FNDC3B: variants seen among roughly 807,000 people sequenced by gnomAD.
FNDC3B encodes fibronectin type III domain containing 3B, also known as fibronectin type III domain-containing protein 3B.
A neutral mutation model predicts 151.5 loss-of-function variants in FNDC3B; 12 were observed. The ratio of observed to expected loss-of-function variants is 0.08; its 90% confidence interval spans 0.05 to 0.13. FNDC3B has a LOEUF of 0.13. FNDC3B is among the 10% of genes least tolerant of loss of function. FNDC3B has a pLI of 1.00. For missense variants in FNDC3B, 1,214 were observed against 1,505.3 expected (o/e 0.81, Z 3.20); for synonymous variants, 528 against 549.0 (o/e 0.96, Z 0.54).
chr3:172,060,451 C>G (rs2108470728), intron 1 of FNDC3B, among the ~76,000 whole-genome samples: 1 of 152,156 alleles, frequency 6.6e-6, no homozygotes, highest in East Asian at 1.9e-4. Context: ...TGAGAGAAAA[C>G]CCTAAAGGCC....
intron 7 of FNDC3B, among the ~76,000 whole-genome samples, chr3:172,286,292 A>G (rs1236969742): frequency 7.7e-6 from 1 of 130,594 alleles, no homozygotes; most frequent in South Asian, 2.6e-4. Flanking sequence ...TTCTTTTGGT[A>G]GTTTTTTTTT....
chr3:172,199,689 C>T (rs1725038457), intron 3 of FNDC3B, among the ~76,000 whole-genome samples: 1 of 152,142 alleles, frequency 6.6e-6, no homozygotes, highest in Admixed American at 6.5e-5. Context: ...CATCACCAAA[C>T]TTCTAAACAA....
At chr3:172,378,628 A>T (rs1273996797) in intron 24 of FNDC3B, among the ~76,000 whole-genome samples, 192 bp downstream of exon 24, 1 of 152,208 alleles carries the variant, frequency 6.6e-6, no homozygotes, top group Non-Finnish European at 1.5e-5. Flanking sequence ...GGGCCTACTG[A>T]TGACTTTTCT....
chr3:172,264,472 C>G (rs1225411062), intron 6 of FNDC3B, among the ~76,000 whole-genome samples: 1 of 152,114 alleles, frequency 6.6e-6, no homozygotes, highest in African/African-American at 2.4e-5. Flanking sequence ...AATTAGGATT[C>G]TCATTCATCT....
chr3:172,045,333 T>C (rs1056221509), intron 1 of FNDC3B, among the ~76,000 whole-genome samples: 1 of 152,220 alleles, frequency 6.6e-6, no homozygotes, highest in Non-Finnish European at 1.5e-5. Context: ...AGTTGTCCCA[T>C]ATCTGTGTTT....
intron 1 of FNDC3B, among the ~76,000 whole-genome samples, chr3:172,064,577 G>T (rs988681150): frequency 4.6e-5 from 7 of 152,204 alleles, no homozygotes; most frequent in African/African-American, 1.7e-4. Flanking sequence ...AAAAGGGTAA[G>T]ACAACTCCCC....
At chr3:172,119,028 G>A (rs968410461) in intron 2 of FNDC3B, among the ~76,000 whole-genome samples, 4 of 151,942 alleles carry the variant, frequency 2.6e-5, no homozygotes, top group Admixed American at 2.6e-4. Context: ...AAATTAGCCA[G>A]GCGTGGTGGT....
chr3:172,262,030 G>A (rs149082880), intron 6 of FNDC3B, among the ~76,000 whole-genome samples: 1 of 152,216 alleles, frequency 6.6e-6, no homozygotes, highest in East Asian at 1.9e-4. Flanking sequence ...TAACGAGACT[G>A]GAAAGAAATG....
intron 3 of FNDC3B, among the ~76,000 whole-genome samples, chr3:172,140,522 C>T (rs1721572072): frequency 1.3e-5 from 2 of 152,208 alleles, no homozygotes; most frequent in Non-Finnish European, 2.9e-5. Context: ...AGTAGACATT[C>T]CATACGCTGA....
At chr3:172,125,983 C>T (rs1720791794) in intron 2 of FNDC3B, among the ~76,000 whole-genome samples, 1 of 152,092 alleles carries the variant, frequency 6.6e-6, no homozygotes, top group African/African-American at 2.4e-5. Flanking sequence ...TTATGCATAG[C>T]CTTGGAAAAA....
intron 11 of FNDC3B, among the ~76,000 whole-genome samples, chr3:172,320,601 A>G (rs750310348): frequency 6.6e-6 from 1 of 152,208 alleles, no homozygotes; most frequent in Non-Finnish European, 1.5e-5. Context: ...GCAGTTGAAA[A>G]TATCAGCCAG....
intron 2 of FNDC3B, among the ~76,000 whole-genome samples, chr3:172,128,776 C>T (rs539335190): frequency 1.3e-5 from 2 of 152,304 alleles, no homozygotes; most frequent in South Asian, 4.1e-4. Flanking sequence ...TAAATGTGGG[C>T]TCCAAGGGAG....
chr3:172,078,319 C>A (rs1002011637), intron 1 of FNDC3B, among the ~76,000 whole-genome samples: 2 of 152,316 alleles, frequency 1.3e-5, no homozygotes, highest in African/African-American at 2.4e-5. Context: ...GAACTCTTTT[C>A]TTTCGACTTG....
At chr3:172,118,512 AAAG>A (rs1368693138) in intron 2 of FNDC3B, among the ~76,000 whole-genome samples, 3 of 152,238 alleles carry the variant, frequency 2.0e-5, no homozygotes, top group Admixed American at 1.3e-4. Context: ...TACCCAGGAG[AAAG>A]AAGGATATTC....
At chr3:172,046,066 T>G (rs1169831077) in intron 1 of FNDC3B, among the ~76,000 whole-genome samples, 2 of 152,088 alleles carry the variant, frequency 1.3e-5, no homozygotes, top group Non-Finnish European at 2.9e-5. Context: ...AGAAGGTATG[T>G]GGGGTGCCAG....
intron 3 of FNDC3B, among the ~76,000 whole-genome samples, chr3:172,144,802 A>T (rs952411409): frequency 1.3e-5 from 2 of 151,826 alleles, no homozygotes; most frequent in African/African-American, 4.8e-5. Context: ...GGTAATTTGC[A>T]CACTATTTGT....
intron 1 of FNDC3B, among the ~76,000 whole-genome samples, chr3:172,057,840 A>G (rs1452973080): frequency 1.3e-5 from 2 of 151,812 alleles, no homozygotes; most frequent in African/African-American, 2.4e-5. Context: ...TGCTGTCTAC[A>G]CCCATTAGAT....
chr3:172,331,203 C>G (rs781378993), intron 13 of FNDC3B, among the ~76,000 whole-genome samples: 12 of 152,192 alleles, frequency 7.9e-5, no homozygotes, highest in Non-Finnish European at 1.6e-4. Flanking sequence ...GCACCCTGCT[C>G]AGAATCCTTC....
At chr3:172,160,475 T>C (rs1363074071) in intron 3 of FNDC3B, among the ~76,000 whole-genome samples, 3 of 152,230 alleles carry the variant, frequency 2.0e-5, no homozygotes, top group Admixed American at 6.5e-5. Context: ...TAAGAAGTCA[T>C]GTGAAATCTT....
Sources: allele counts gnomAD v4.1 joint callset (sites outside exome capture counted in the v4.1 genomes callset), GRCh38; gene constraint gnomAD v4.1.1; transcripts MANE v1.5; gene names NCBI Gene and HGNC (gene_info 2026-07-23, HGNC 2026-07-21).